The following GRM7 variants were observed in gnomAD, a reference collection of about 807,000 sequenced individuals.
GRM7 encodes the protein glutamate metabotropic receptor 7.
In GRM7, 35 loss-of-function variants were observed where a neutral mutation model predicts 84.5. The ratio of observed to expected loss-of-function variants is 0.41; its 90% CI spans 0.32 to 0.55. GRM7 has a LOEUF of 0.55. GRM7 is among the 20% of genes least tolerant of loss of function. The probability of loss-of-function intolerance (pLI) is 0.19; values close to 1 mark genes in which losing one functional copy is unlikely to be tolerated. For missense variants in GRM7, 1,003 were observed against 1,194.6 expected, an observed-to-expected ratio of 0.84 and a Z score of 2.36; for synonymous variants, 487 against 455.1, an observed-to-expected ratio of 1.07 and a Z score of -0.89.
chr3:7,410,596 T>G (rs372347525), intron 4 of GRM7, among the ~76,000 whole-genome samples: 1 of 68,736 alleles, frequency 1.5e-5, no homozygotes, highest in African/African-American at 4.9e-5. Context: ...TATATATATA[T>G]ATACACACAC....
rs185131925 is a variant in GRM7 at position 6,891,987 on chromosome 3, C to T, written c.519+30080C>T. 9.4e-3 allele frequency among the ~76,000 whole-genome samples: 1,433 copies of T among 152,256 alleles called. 10 individuals are homozygous for T. The highest frequency in any genetic ancestry group is 0.014 in the Non-Finnish European group (919 of 68,038). On this transcript the variant is annotated intron_variant, in intron 1 of 9. Transcript: ENST00000357716. ...TCTCGCTTCATTTCATTCATTTCATCTTCCATCACTGATACCCTTTCTTCC... is the reference window on the plus strand; with the variant it reads ...TCTCGCTTCATTTCATTCATTTCATTTTCCATCACTGATACCCTTTCTTCC...
chr3:7,346,610 A>G (rs1278913967), intron 4 of GRM7, among the ~76,000 whole-genome samples: 1 of 152,132 alleles, frequency 6.6e-6, no homozygotes, highest in African/African-American at 2.4e-5. Flanking sequence ...CCATGTTTTC[A>G]TGTGTGTTTC....
rs952338137 is a variant in GRM7 at position 7,680,172 on chromosome 3, C to T, written c.2575C>T (p.Arg859Trp). ...CCACCCTGAACTCAATGTCCAGAAA[C>T]GGAAGCGAAGCTTCAAGGCGGTAGT... ...IFHPELNVQK[R>W]KRSFKAVVTA... The change falls in exon 9 of 10, where the codon CGG becomes TGG. Residue 859 changes from arginine to tryptophan, a missense_variant. By Grantham distance (101) the Arg-to-Trp change is moderately radical. This residue lies in a region of GRM7 where 910 missense variants were observed against 1,126.0 expected (regional missense o/e 0.81). Coordinates refer to ENST00000357716, the MANE Select transcript of GRM7 (RefSeq NM_000844.4). 7 of 1,614,056 alleles carry T rather than the reference C, an allele frequency of 4.3e-6. No homozygotes were observed. Among genetic ancestry groups the T allele is most frequent in the South Asian group, 2.2e-5 (2 of 91,090 alleles).
intron 9 of GRM7, among the ~76,000 whole-genome samples, chr3:7,735,048 C>CAAAAA (rs3840230): frequency 2.2e-4 from 33 of 151,572 alleles, no homozygotes; most frequent in African/African-American, 7.7e-4. Context: ...GAAGTAATTA[C>CAAAAA]AAAAAAAAGT....
intron 1 of GRM7, among the ~76,000 whole-genome samples, chr3:6,941,282 T>G (rs529064808): frequency 6.6e-6 from 1 of 152,226 alleles, no homozygotes; most frequent in Non-Finnish European, 1.5e-5. Context: ...ACTTTTAAAG[T>G]AATACCAAAA....
intron 1 of GRM7, among the ~76,000 whole-genome samples, chr3:6,905,820 G>T (rs1696554444): frequency 6.6e-6 from 1 of 152,110 alleles, no homozygotes; most frequent in Non-Finnish European, 1.5e-5. Context: ...AAAGTTTTGA[G>T]CTTCATTGGG....
intron 3 of GRM7, among the ~76,000 whole-genome samples, chr3:7,305,032 C>T (rs969808730): frequency 5.3e-5 from 8 of 152,270 alleles, no homozygotes; most frequent in Non-Finnish European, 1.0e-4. Flanking sequence ...TTCTTTATAA[C>T]AATATCTAGA....
At chr3:7,033,355 C>T (rs576804663) in intron 1 of GRM7, among the ~76,000 whole-genome samples, 11 of 152,192 alleles carry the variant, frequency 7.2e-5, no homozygotes, top group African/African-American at 2.4e-4. Context: ...TGCTATTCAA[C>T]TCACAATATA....
chr3:7,645,472 A>G (rs1321197670), intron 8 of GRM7, among the ~76,000 whole-genome samples: 7 of 147,968 alleles, frequency 4.7e-5, no homozygotes, highest in Non-Finnish European at 1.0e-4. Flanking sequence ...ACTTGAACCC[A>G]GGAGTCAGAG....
chr3:7,533,188 T>C (rs1334468861), intron 7 of GRM7, among the ~76,000 whole-genome samples: 2 of 152,134 alleles, frequency 1.3e-5, no homozygotes, highest in African/African-American at 4.8e-5. Context: ...ATCAAAAGAA[T>C]ATACATTCTT....
intron 1 of GRM7, among the ~76,000 whole-genome samples, chr3:6,933,665 G>C (rs1697585236): frequency 6.6e-6 from 1 of 151,440 alleles, no homozygotes; most frequent in African/African-American, 2.4e-5. Flanking sequence ...AAAGAATAAA[G>C]ATCAGTTATG....
chr3:7,205,042 G>A (rs1361383949), intron 2 of GRM7, among the ~76,000 whole-genome samples: 2 of 152,228 alleles, frequency 1.3e-5, no homozygotes, highest in African/African-American at 2.4e-5. Context: ...CGGTAGCAGT[G>A]TGGAAGAATG....
chr3:6,920,555 C>CAA (rs35421703), intron 1 of GRM7, among the ~76,000 whole-genome samples: 22 of 141,498 alleles, frequency 1.6e-4, no homozygotes, highest in African/African-American at 5.5e-4. Context: ...GACTCCATGT[C>CAA]AAAAAAAAAA....
chr3:7,369,179 G>T (rs370757244), intron 4 of GRM7, among the ~76,000 whole-genome samples: 2 of 151,962 alleles, frequency 1.3e-5, no homozygotes, highest in Non-Finnish European at 2.9e-5. Flanking sequence ...CACAGCCTCC[G>T]GAGTAGCCAG....
chr3:7,482,060 C>A (rs559065923), intron 7 of GRM7, among the ~76,000 whole-genome samples: 2 of 152,180 alleles, frequency 1.3e-5, no homozygotes, highest in South Asian at 4.1e-4. Context: ...TGGTTGTGGA[C>A]ACCTGTAGTC....
intron 2 of GRM7, among the ~76,000 whole-genome samples, chr3:7,242,225 C>A (rs1400809998): frequency 6.6e-6 from 1 of 152,136 alleles, no homozygotes; most frequent in Non-Finnish European, 1.5e-5. Context: ...AGAAATAGTA[C>A]ATGCTGTTTA....
At chr3:6,942,140 GCT>G (rs1207036141) in intron 1 of GRM7, among the ~76,000 whole-genome samples, 1 of 141,254 alleles carries the variant, frequency 7.1e-6, no homozygotes, top group African/African-American at 2.5e-5. Context: ...TGTATTTTCA[GCT>G]CTTTTTTTTT....
In GRM7 at chr3:7,019,388, A is replaced by G. The variant is rs569308149; in HGVS notation, c.520-127064A>G. ...ACAAATGCATGATGTCGTGTCCGCT[A>G]TTATAGTCTCATACAGAGTATTTTC... On this transcript the variant is annotated intron_variant, in intron 1 of 9. Transcript: ENST00000357716. Among the ~76,000 whole-genome samples the G allele has an allele frequency of 6.9e-4, 105 of 152,252 alleles. 1 individual carries two copies. The highest frequency in any genetic ancestry group is 2.3e-3 in the African/African-American group (95 of 41,530).
intron 8 of GRM7, among the ~76,000 whole-genome samples, chr3:7,602,080 CAAAAAAAAAAAA>C (rs562646639): frequency 1.3e-4 from 12 of 93,802 alleles, no homozygotes; most frequent in South Asian, 1.2e-3. Flanking sequence ...ATTACCAGGA[CAAAAAAAAAAAA>C]AAAAAAAAAG....
Sources: allele counts gnomAD v4.1 joint callset (sites outside exome capture counted in the v4.1 genomes callset), GRCh38; gene constraint gnomAD v4.1.1; regional missense constraint gnomAD v4.1.1; transcripts MANE v1.5; gene names NCBI Gene and HGNC (gene_info 2026-07-23, HGNC 2026-07-21).